TAFA5: variants seen among roughly 807,000 people sequenced by gnomAD.
TAFA5 encodes the protein chemokine-like protein TAFA-5.
TAFA5 carries 6 observed loss-of-function variants against 15.3 expected under a neutral mutation model. The observed-to-expected ratio is 0.39, with a 90% CI of 0.21 to 0.77. The LOEUF (loss-of-function observed/expected upper bound fraction) is 0.77, where lower values mean the gene tolerates loss of function less well. Among genes scored for constraint, TAFA5 ranks in the 30% least tolerant of loss-of-function variants. TAFA5 has a pLI of 0.41. For missense variants in TAFA5, 161 were observed against 193.1 expected (o/e 0.83, Z 0.98); for synonymous variants, 103 against 80.7 (o/e 1.28, Z -1.48).
At chr22:48,543,071 C>G (rs923984199) in intron 1 of TAFA5, among the ~76,000 whole-genome samples, 5 of 151,824 alleles carry the variant, frequency 3.3e-5, no homozygotes, top group African/African-American at 1.2e-4. Flanking sequence ...TGCTGAGGGG[C>G]ACAGAGAGGG....
At chr22:48,727,329 A>AGAGGCTGTGGGGAG (rs1491105973) in intron 3 of TAFA5, among the ~76,000 whole-genome samples, 1 of 152,214 alleles carries the variant, frequency 6.6e-6, no homozygotes, top group Non-Finnish European at 1.5e-5. Flanking sequence ...TAAAACTAAC[A>AGAGGCTGTGGGGAG]GAGGCTGTGG....
chr22:48,597,582 G>T (rs1805055892), intron 1 of TAFA5, among the ~76,000 whole-genome samples: 3 of 152,012 alleles, frequency 2.0e-5, no homozygotes. Flanking sequence ...CGCCACCATG[G>T]CCCGCATCAC....
chr22:48,736,755 G>A (rs1305115091), intron 3 of TAFA5, among the ~76,000 whole-genome samples: 1 of 152,226 alleles, frequency 6.6e-6, no homozygotes, highest in Non-Finnish European at 1.5e-5. Context: ...CCCTGTTGGA[G>A]CCCAGTGATG....
chr22:48,500,295 C>T (rs932676908), intron 1 of TAFA5, among the ~76,000 whole-genome samples: 4 of 152,216 alleles, frequency 2.6e-5, no homozygotes, highest in African/African-American at 4.8e-5. Flanking sequence ...CCAACAACAG[C>T]TTAAAGTGAT....
chr22:48,635,066 G>T (rs1208418893), intron 1 of TAFA5, among the ~76,000 whole-genome samples: 1 of 152,230 alleles, frequency 6.6e-6, no homozygotes, highest in African/African-American at 2.4e-5. Context: ...CCACCATCCT[G>T]CCCGGGCTGT....
chr22:48,522,587 A>T (rs529067658), intron 1 of TAFA5, among the ~76,000 whole-genome samples: 1 of 152,188 alleles, frequency 6.6e-6, no homozygotes, highest in Non-Finnish European at 1.5e-5. Context: ...CCCAACCTCG[A>T]GAGGCAACCT....
At chr22:48,573,006 G>T (rs1399927889) in intron 1 of TAFA5, among the ~76,000 whole-genome samples, 1 of 152,204 alleles carries the variant, frequency 6.6e-6, no homozygotes, top group Non-Finnish European at 1.5e-5. Context: ...TCCATCCAAA[G>T]TCCCACACCT....
intron 1 of TAFA5, among the ~76,000 whole-genome samples, chr22:48,520,872 A>AG: frequency 6.6e-6 from 1 of 152,072 alleles, no homozygotes; most frequent in South Asian, 2.1e-4. Flanking sequence ...CACATCCCTC[A>AG]GGCCAGGGCC....
At position 48,598,574 on chromosome 22, in the gene TAFA5, G is replaced by A. The variant is rs963653051; in HGVS notation, c.113-48023G>A. Among the ~76,000 whole-genome samples, 3 of 152,286 alleles carry A rather than the reference G, an allele frequency of 2.0e-5. No homozygotes were observed. Among genetic ancestry groups the A allele is most frequent in the Admixed American group, 2.0e-4 (3 of 15,296 alleles). ...GTGTGAGATGACCTCCATGTAGGCT[G>A]CCATGGTGTCACCGGCTGACCTGGT... is the stretch of plus-strand genomic sequence containing the variant. On this transcript the variant is annotated intron_variant, in intron 1 of 3. Coordinates refer to ENST00000402357, the MANE Select transcript of TAFA5 (RefSeq NM_001082967.3). The surrounding 1 kb of genome is among the most constrained non-coding windows in gnomAD (Gnocchi z 4.0).
chr22:48,684,398 G>A (rs1928290738), intron 2 of TAFA5, among the ~76,000 whole-genome samples: 1 of 152,100 alleles, frequency 6.6e-6, no homozygotes, highest in Admixed American at 6.6e-5. Context: ...GAAGGGCGAT[G>A]GAGTGACTCA....
intron 1 of TAFA5, among the ~76,000 whole-genome samples, chr22:48,503,756 C>T (rs1046100399): frequency 2.6e-5 from 4 of 152,228 alleles, no homozygotes; most frequent in Non-Finnish European, 5.9e-5. Flanking sequence ...TTTTCGAACA[C>T]GGGAGAAGCT....
chr22:48,526,402 C>G (rs1300258183), intron 1 of TAFA5, among the ~76,000 whole-genome samples: 1 of 152,210 alleles, frequency 6.6e-6, no homozygotes, highest in Non-Finnish European at 1.5e-5. Flanking sequence ...AGCAGGTGCC[C>G]CAGTCAAGTC....
At chr22:48,528,373 C>T (rs949170360) in intron 1 of TAFA5, among the ~76,000 whole-genome samples, 9 of 152,050 alleles carry the variant, frequency 5.9e-5, no homozygotes, top group South Asian at 2.1e-4. Context: ...GTCCATTCCC[C>T]GATGCCTGTG....
At chr22:48,652,985 G>A (rs545091062) in intron 2 of TAFA5, among the ~76,000 whole-genome samples, 2 of 152,358 alleles carry the variant, frequency 1.3e-5, no homozygotes, top group South Asian at 4.1e-4. Context: ...GTGCTTTGTG[G>A]CACAGAAGCT....
rs113230397 is a variant in TAFA5 at position 48,501,604 on chromosome 22, G to A, written c.112+11900G>A. On this transcript the variant is annotated intron_variant, in intron 1 of 3. Transcript: ENST00000402357. ...ATGAGGACACAGGTGGGAAGGGCTC[G>A]GAAGGCTGAGTTCTGCTGACCTCCC... Among the ~76,000 whole-genome samples, 115 of 152,316 alleles carry A rather than the reference G, an allele frequency of 7.6e-4. 1 individual carries two copies. The highest frequency in any genetic ancestry group is 2.5e-3 in the African/African-American group (102 of 41,576).
rs1013127046 is a variant in TAFA5, at chr22:48,552,542, C to G, written c.112+62838C>G. Among the ~76,000 whole-genome samples, 9 of 152,116 alleles carry G rather than the reference C, an allele frequency of 5.9e-5. No individual in the cohort carries two copies. The highest frequency in any genetic ancestry group is 1.9e-4 in the African/African-American group (8 of 41,424). On this transcript the variant is annotated intron_variant, in intron 1 of 3. Coordinates refer to ENST00000402357, the MANE Select transcript of TAFA5 (RefSeq NM_001082967.3). The surrounding 1 kb of genome is among the most constrained non-coding windows in gnomAD (Gnocchi z 4.1). ...CTTGGGTCAGGACATGGAGACTTCA[C>G]AGCCCGGCGGAACCCACGCCCATGC...
chr22:48,646,806 C>T (rs2147202589), intron 2 of TAFA5, 60 bp downstream of exon 2: 2 of 1,512,030 alleles, frequency 1.3e-6, no homozygotes, highest in South Asian at 1.2e-5. Flanking sequence ...CCAAAGGTGC[C>T]TCTTCCCTGA....
chr22:48,711,344 A>C (rs1441992964), intron 3 of TAFA5, among the ~76,000 whole-genome samples: 21 of 151,494 alleles, frequency 1.4e-4, no homozygotes, highest in Admixed American at 1.4e-3. Context: ...CACCTTGTAT[A>C]CATGGGCCGC....
chr22:48,564,458 A>G (rs1446538904), intron 1 of TAFA5, among the ~76,000 whole-genome samples: 2 of 152,216 alleles, frequency 1.3e-5, no homozygotes, highest in African/African-American at 2.4e-5. Flanking sequence ...TTGGCTTCCA[A>G]GCTTGCAGCT....
Sources: gnomAD v4.1 joint callset for allele counts (sites outside exome capture counted in the v4.1 genomes callset) on GRCh38, gnomAD v4.1.1 for gene constraint, Gnocchi (gnomAD v3.1) non-coding constraint, MANE v1.5 for transcripts, NCBI Gene and HGNC (gene_info 2026-07-23, HGNC 2026-07-21) for gene names.